PEDS1: variants seen among roughly 807,000 people sequenced by gnomAD.
PEDS1 encodes plasmanylethanolamine desaturase 1.
A neutral mutation model predicts 35.2 loss-of-function variants in PEDS1; 14 were observed. The ratio of observed to expected loss-of-function variants is 0.40; its 90% confidence interval spans 0.26 to 0.62. The LOEUF is 0.62. PEDS1 is among the 20% of genes least tolerant of loss of function. The pLI is 0.44. For missense variants in PEDS1, 260 were observed against 367.8 expected (o/e 0.71, Z 2.40); for synonymous variants, 152 against 152.0 (o/e 1.00, Z 0.00).
In PEDS1 at chr20:50,124,768, G is replaced by A. The variant is rs573185641; in HGVS notation, c.*290C>T. On this transcript the variant is annotated 3_prime_UTR_variant, in exon 6 of 6. Coordinates refer to ENST00000371652, the MANE Select transcript of PEDS1 (RefSeq NM_199129.4). ...GCCCAGCGGGGCAGGGACGGCAGGC[G>A]TGCAGGGAGTGGGTAAACCTCCTCT... is the stretch of plus-strand genomic sequence containing the variant. 34 of 332,438 alleles carry A rather than the reference G, an allele frequency of 1.0e-4. No homozygotes were observed. In the East Asian group the frequency reaches 1.8e-3, roughly 18 times the overall value. The allele number at this position is 332,438 out of a possible 1,614,324, so 20.6% of individuals were successfully genotyped here. A position where few individuals can be genotyped will look rare whatever the true frequency, so the allele number is the denominator to read the frequency against.
At position 50,124,002 on chromosome 20, in the gene PEDS1, G is replaced by T. The variant is rs1225213405; in HGVS notation, c.*1056C>A. ...GTCCTCACCCAATCCCCTCCAAAAG[G>T]CTTTGGAGCAGATGTCAACATTAAT... On this transcript the variant is annotated 3_prime_UTR_variant, in exon 6 of 6. Coordinates refer to ENST00000371652, the MANE Select transcript of PEDS1 (RefSeq NM_199129.4). 6.6e-6 allele frequency: 1 copy of T among 152,304 alleles called. No individual in the cohort carries two copies. Among genetic ancestry groups the T allele is most frequent in the Non-Finnish European group, 1.5e-5 (1 of 68,034 alleles). The allele number at this position is 152,304 out of a possible 1,614,324, so 9.4% of individuals were successfully genotyped here.
intron 2 of PEDS1, among the ~76,000 whole-genome samples, chr20:50,139,177 C>CTGAAG (rs1459301904): frequency 6.6e-6 from 1 of 152,192 alleles, no homozygotes; most frequent in African/African-American, 2.4e-5. Context: ...TCCCTGACCT[C>CTGAAG]TGGACTCACT....
intron 3 of PEDS1, among the ~76,000 whole-genome samples, chr20:50,130,473 T>G (rs1305374916): frequency 6.6e-6 from 1 of 152,204 alleles, no homozygotes; most frequent in Non-Finnish European, 1.5e-5. Context: ...AATCTTCAGT[T>G]ACATGAATCA....
In PEDS1 at chr20:50,124,239, C is replaced by T. The variant is rs747962281; in HGVS notation, c.*819G>A. 1.3e-5 allele frequency: 2 copies of T among 152,492 alleles called. No individual in the cohort carries two copies. Among genetic ancestry groups the T allele is most frequent in the African/African-American group, 4.8e-5 (2 of 41,394 alleles). 9.4% of individuals were successfully genotyped at this position (152,492 alleles called of 1,614,324 possible). The stretch of plus-strand genomic sequence containing the variant: ...AAAACATGACATTAAAATATTACTC[C>T]GTGTTACAGAAAAGATATTAAGGCT... On this transcript the variant is annotated 3_prime_UTR_variant, in exon 6 of 6. Transcript: ENST00000371652.
intron 3 of PEDS1, among the ~76,000 whole-genome samples, chr20:50,130,215 A>C (rs1176477666): frequency 6.6e-6 from 1 of 152,188 alleles, no homozygotes; most frequent in Admixed American, 6.5e-5. Context: ...ATCTGGGCCA[A>C]TGGGAGTGAG....
At chr20:50,142,105 G>C (rs536658110) in intron 2 of PEDS1, among the ~76,000 whole-genome samples, 76 of 152,334 alleles carry the variant, frequency 5.0e-4, no homozygotes, top group African/African-American at 1.8e-3. Context: ...CTTGAAGTGT[G>C]ACTCTGGACT....
chr20:50,149,318 C>T (rs1000407317), intron 1 of PEDS1, among the ~76,000 whole-genome samples: 7 of 152,126 alleles, frequency 4.6e-5, no homozygotes, highest in Admixed American at 1.3e-4. Context: ...GGGCAGGGGG[C>T]ACCCACAGTT....
At chr20:50,153,291 T>C (rs1278417087) in intron 1 of PEDS1, among the ~76,000 whole-genome samples, 1 of 151,932 alleles carries the variant, frequency 6.6e-6, no homozygotes, top group Admixed American at 6.6e-5. Context: ...CTCATGGTAA[T>C]TTCTTGATCT....
chr20:50,141,005 G>A (rs1363062784), intron 2 of PEDS1, among the ~76,000 whole-genome samples: 1 of 152,196 alleles, frequency 6.6e-6, no homozygotes, highest in African/African-American at 2.4e-5. Flanking sequence ...GGCTGTGGCT[G>A]GAAGATCAGA....
chr20:50,122,211 C>T lies in PEDS1; in HGVS notation c.*2847G>A, dbSNP rs1376374389. The T allele has an allele frequency of 6.6e-6, 1 of 152,150 alleles. No homozygotes were observed. The highest frequency in any genetic ancestry group is 1.5e-5 in the Non-Finnish European group (1 of 68,036). 9.4% of individuals were successfully genotyped at this position (152,150 alleles called of 1,614,324 possible). A position where few individuals can be genotyped will look rare whatever the true frequency, so the allele number is the denominator to read the frequency against. ...GAATCATGTGAGCCCCTGGGTCCTG[C>T]CAAACCTTAATTCAGAACACCTGTA... On this transcript the variant is annotated 3_prime_UTR_variant, in exon 6 of 6. Transcript: ENST00000371652.
Position 50,130,939 on chromosome 20 carries a change from C to T in PEDS1, c.250G>A (p.Ala84Thr). Residue 84 changes from alanine (A) to threonine (T), a missense_variant, in exon 3 of 6, where the codon GCT (alanine) becomes ACT (threonine). Around this residue, in one of 4 missense-constraint regions of PEDS1, gnomAD observed 114 missense variants for 121.6 expected, o/e 0.94. Transcript: ENST00000371652. ...PLVILGVVAG[A>T]LIADFLSGLV... ...CCAGACAAGAAGTCAGCAATGAGAG[C>T]CCCTGCAACTGTGGACAAGAGGGTG... The T allele has an allele frequency of 6.2e-7, 1 of 1,614,230 alleles. No homozygotes were observed. Among genetic ancestry groups the T allele is most frequent in the Non-Finnish European group, 8.5e-7 (1 of 1,180,048 alleles).
chr20:50,129,730 G>A lies in PEDS1; in HGVS notation c.334-40C>T, dbSNP rs755062219. ...GACACAGCCCCAGCAGTCAGCCTAA[G>A]GTGGTCAGCTGCTCTCCACAGCCCC... On this transcript the variant is annotated intron_variant, in intron 3 of 5. Transcript: ENST00000371652. This position sits in a 1 kb window ranked among gnomAD's most constrained non-coding sequence, Gnocchi z 4.2. The A allele has an allele frequency of 9.3e-6, 15 of 1,609,250 alleles. No individual in the cohort carries two copies. The highest frequency in any genetic ancestry group is 1.3e-5 in the African/African-American group (1 of 74,872).
rs2081431468 is a variant in PEDS1 at position 50,153,687 on chromosome 20, A to T, written c.-50T>A. The T allele has an allele frequency of 1.7e-6, 2 of 1,196,424 alleles. No homozygotes were observed. Among genetic ancestry groups the T allele is most frequent in the Non-Finnish European group, 2.1e-6 (2 of 965,732 alleles). The allele number at this position is 1,196,424 out of a possible 1,614,324, so 74.1% of individuals were successfully genotyped here. Reference sequence around the variant, plus strand: ...GCGCTCTGCTGGCGGCGGCGGCGGCAGGGCCGCGGAACCGCGGCGAGATCA... The same window carrying T: ...GCGCTCTGCTGGCGGCGGCGGCGGCTGGGCCGCGGAACCGCGGCGAGATCA... On this transcript the variant is annotated 5_prime_UTR_variant, in exon 1 of 6. Coordinates refer to ENST00000371652, the MANE Select transcript of PEDS1 (RefSeq NM_199129.4).
rs1317205135 is a variant in PEDS1 at position 50,130,900 on chromosome 20, C to G, written c.289G>C (p.Gly97Arg). The change falls in exon 3 of 6, where the codon GGT becomes CGT. Residue 97 changes from glycine to arginine, a missense_variant. Transcript: ENST00000371652. Reference sequence around the variant, plus strand: ...TCCACAGAGCCCCATGTGTCAGCACCCCAGTGTACCAGGCCAGACAAGAAG... The same window carrying G: ...TCCACAGAGCCCCATGTGTCAGCACGCCAGTGTACCAGGCCAGACAAGAAG... ...ADFLSGLVHWGADTWGSVELP... is the reference protein window; with the variant it reads ...ADFLSGLVHWRADTWGSVELP... The G allele has an allele frequency of 6.2e-7, 1 of 1,614,094 alleles. No homozygotes were observed.
At chr20:50,133,316 A>G (rs1253934787) in intron 2 of PEDS1, among the ~76,000 whole-genome samples, 2 of 152,186 alleles carry the variant, frequency 1.3e-5, no homozygotes, top group African/African-American at 4.8e-5. Flanking sequence ...GGGGCAGCAC[A>G]GCTTCATGCA....
chr20:50,138,918 G>T (rs1347387508), intron 2 of PEDS1, among the ~76,000 whole-genome samples: 1 of 152,140 alleles, frequency 6.6e-6, no homozygotes. Flanking sequence ...CGCTGGGCCC[G>T]TGCGGGCTTC....
At chr20:50,135,869 G>T (rs1224403649) in intron 2 of PEDS1, among the ~76,000 whole-genome samples, 3 of 152,076 alleles carry the variant, frequency 2.0e-5, no homozygotes, top group Non-Finnish European at 4.4e-5. Context: ...AATGTTTCTA[G>T]CGTGGGCCAT....
In PEDS1 at chr20:50,128,241, C is replaced by T. The variant is rs991665687; in HGVS notation, c.479-54G>A. ...ACAGCTGTCACTCGGGACGGGGAAC[C>T]CACCCCAAATGGCCCTCACCACCTG... On this transcript the variant is annotated intron_variant, in intron 4 of 5. Transcript: ENST00000371652. This position sits in a 1 kb window ranked among gnomAD's most constrained non-coding sequence, Gnocchi z 5.2. 3.1e-6 allele frequency: 5 copies of T among 1,602,140 alleles called. No homozygotes were observed. The African/African-American group carries it at 5.4e-5, about 17-fold the overall frequency.
chr20:50,122,784 CAAAT>C lies in PEDS1; in HGVS notation c.*2270_*2273del, dbSNP rs2081061885. ...AGATGCCTTATAATTACTTATTCAA[CAAAT>C]AAACAAGTTACTAATTGGTCTATAA... On this transcript the variant is annotated 3_prime_UTR_variant, in exon 6 of 6. Coordinates refer to ENST00000371652, the MANE Select transcript of PEDS1 (RefSeq NM_199129.4). 1 of 152,094 alleles carries C rather than the reference CAAAT, an allele frequency of 6.6e-6. No individual in the cohort carries two copies. Among genetic ancestry groups the C allele is most frequent in the Admixed American group, 6.6e-5 (1 of 15,260 alleles). 9.4% of individuals were successfully genotyped at this position (152,094 alleles called of 1,614,324 possible). A position where few individuals can be genotyped will look rare whatever the true frequency, so the allele number is the denominator to read the frequency against.
Sources: gnomAD v4.1 joint callset for allele counts (sites outside exome capture counted in the v4.1 genomes callset) on GRCh38, gnomAD v4.1.1 for gene constraint, gnomAD v4.1.1 regional missense constraint, Gnocchi (gnomAD v3.1) non-coding constraint, MANE v1.5 for transcripts, NCBI Gene and HGNC (gene_info 2026-07-23, HGNC 2026-07-21) for gene names.